The following KLHL29 variants were observed in gnomAD, a reference collection of about 807,000 sequenced individuals.
The protein encoded by KLHL29 is kelch-like protein 29.
In KLHL29, 21 loss-of-function variants were observed where a neutral mutation model predicts 80.4. That is an observed-to-expected ratio of 0.26 (90% CI 0.19 to 0.38). KLHL29 has a LOEUF of 0.38. Among genes scored for constraint, KLHL29 ranks in the 10% least tolerant of loss-of-function variants. The probability of loss-of-function intolerance (pLI) is 1.00; values close to 1 mark genes in which losing one functional copy is unlikely to be tolerated. For synonymous variants in KLHL29, 511 were observed against 526.8 expected, an observed-to-expected ratio of 0.97 and a Z score of 0.41; for missense variants, 867 against 1,223.9, an observed-to-expected ratio of 0.71 and a Z score of 4.35.
chr2:23,420,803 C>T (rs999617993), intron 1 of KLHL29, among the ~76,000 whole-genome samples: 1 of 152,150 alleles, frequency 6.6e-6, no homozygotes, highest in African/African-American at 2.4e-5. Flanking sequence ...GTCAGCGGGG[C>T]CTCTGGGTGG....
chr2:23,452,767 TAAAA>T (rs370323535), intron 1 of KLHL29, among the ~76,000 whole-genome samples: 22 of 152,098 alleles, frequency 1.4e-4, no homozygotes, highest in African/African-American at 5.1e-4. Context: ...GGCCACCAGA[TAAAA>T]TAAAGAAAAA....
chr2:23,422,575 CTGTCTGTG>C (rs928572274), intron 1 of KLHL29, among the ~76,000 whole-genome samples: 21 of 148,386 alleles, frequency 1.4e-4, no homozygotes, highest in Non-Finnish European at 2.5e-4. Flanking sequence ...GTATGTGTCC[CTGTCTGTG>C]TGTCTGTGTC....
Position 23,488,122 on chromosome 2 carries a change from C to T in KLHL29, c.-46+12455C>T, listed in dbSNP as rs573618784. Among the ~76,000 whole-genome samples the T allele has an allele frequency of 6.6e-5, 10 of 152,324 alleles. No homozygotes were observed. In the South Asian group the frequency reaches 1.9e-3, roughly 28 times the overall value. ...ATCTCCTTTGAACAGAATTGCCTCA[C>T]GGGAGGCACTGGCCCCGTCTTATTT... On this transcript the variant is annotated intron_variant, in intron 2 of 13. Coordinates refer to ENST00000486442, the MANE Select transcript of KLHL29 (RefSeq NM_052920.2).
chr2:23,526,021 G>A (rs538368724), intron 2 of KLHL29, among the ~76,000 whole-genome samples: 66 of 152,220 alleles, frequency 4.3e-4, no homozygotes, highest in East Asian at 5.8e-4. Context: ...CCTCAGAAGC[G>A]TGGATGTTGG....
At chr2:23,531,083 C>CA (rs138736846) in intron 2 of KLHL29, among the ~76,000 whole-genome samples, 1,833 of 152,320 alleles carry the variant, frequency 0.012, 40 homozygotes, top group African/African-American at 0.041. Flanking sequence ...CCTGGATGCA[C>CA]AGTGAGGTAG....
chr2:23,583,287 C>G (rs963633856), intron 3 of KLHL29, among the ~76,000 whole-genome samples: 1 of 152,186 alleles, frequency 6.6e-6, no homozygotes, highest in Non-Finnish European at 1.5e-5. Context: ...CCTAGCATCT[C>G]CTTCAAGAAG....
chr2:23,442,097 T>TTA lies in KLHL29; in HGVS notation c.-153-33461_-153-33460dup, dbSNP rs1314433013. Among the ~76,000 whole-genome samples, 3 of 152,084 alleles carry TTA rather than the reference T, an allele frequency of 2.0e-5. No homozygotes were observed. The East Asian group carries it at 5.8e-4, about 29-fold the overall frequency. ...GGCTCAGTGTAATCACCAGGGTCCTTTATTTTTAATTTTTGAGACAGGGTC... is the reference window on the plus strand; with the variant it reads ...GGCTCAGTGTAATCACCAGGGTCCTTTATATTTTTAATTTTTGAGACAGGGTC... On this transcript the variant is annotated intron_variant, in intron 1 of 13. Coordinates refer to ENST00000486442, the MANE Select transcript of KLHL29 (RefSeq NM_052920.2).
At chr2:23,686,881 C>T (rs1277034462) in intron 6 of KLHL29, among the ~76,000 whole-genome samples, 2 of 152,120 alleles carry the variant, frequency 1.3e-5, no homozygotes, top group East Asian at 1.9e-4. Flanking sequence ...GGCTGAAAGT[C>T]GCCGTGTTCG....
At chr2:23,414,512 C>T (rs902174150) in intron 1 of KLHL29, among the ~76,000 whole-genome samples, 10 of 152,324 alleles carry the variant, frequency 6.6e-5, no homozygotes, top group African/African-American at 2.2e-4. Context: ...CTGGGTCCTG[C>T]AGACTGGGTG....
At chr2:23,526,923 T>C (rs1476347764) in intron 2 of KLHL29, among the ~76,000 whole-genome samples, 2 of 152,132 alleles carry the variant, frequency 1.3e-5, no homozygotes, top group Non-Finnish European at 2.9e-5. Flanking sequence ...CATTTACCAG[T>C]ATAGCTCTGG....
chr2:23,652,368 T>G (rs1670110278), intron 5 of KLHL29, among the ~76,000 whole-genome samples: 1 of 152,218 alleles, frequency 6.6e-6, no homozygotes, highest in South Asian at 2.1e-4. Context: ...GTTTGTCCTG[T>G]TAAATGGTTA....
rs141444700 is a variant in KLHL29, at chr2:23,596,167, C to G, written c.285+33686C>G. 6.6e-5 allele frequency among the ~76,000 whole-genome samples: 10 copies of G among 152,298 alleles called. No homozygotes were observed. In the East Asian group the frequency reaches 1.4e-3, roughly 21 times the overall value. On this transcript the variant is annotated intron_variant, in intron 3 of 13. Transcript: ENST00000486442. The surrounding 1 kb of genome is among the most constrained non-coding windows in gnomAD (Gnocchi z 4.4). ...AGAGCACCCTCGGCAGCCAGCCGGACGGGCAGGCCGGGGGCGGGGCAGGGC... is the reference window on the plus strand; with the variant it reads ...AGAGCACCCTCGGCAGCCAGCCGGAGGGGCAGGCCGGGGGCGGGGCAGGGC...
intron 3 of KLHL29, among the ~76,000 whole-genome samples, chr2:23,612,945 A>G (rs1398425518): frequency 2.0e-5 from 3 of 152,222 alleles, no homozygotes; most frequent in Non-Finnish European, 4.4e-5. Flanking sequence ...ACATATATAG[A>G]GAGAAATAAA....
intron 3 of KLHL29, among the ~76,000 whole-genome samples, chr2:23,583,517 G>A (rs1304689304): frequency 6.6e-6 from 1 of 152,172 alleles, no homozygotes; most frequent in Non-Finnish European, 1.5e-5. Context: ...AAGTTTCAAA[G>A]GGCGATTAAA....
Position 23,491,577 on chromosome 2 carries a change from C to T in KLHL29, c.-46+15910C>T, listed in dbSNP as rs554039724. On this transcript the variant is annotated intron_variant, in intron 2 of 13. Transcript: ENST00000486442. ...GGCCAGCAGCTCTGCTCTGCTCCTGCTCCTCTTGCCCTCAGGTAGCTGCCC... is the reference window on the plus strand; with the variant it reads ...GGCCAGCAGCTCTGCTCTGCTCCTGTTCCTCTTGCCCTCAGGTAGCTGCCC... 9.9e-5 allele frequency among the ~76,000 whole-genome samples: 15 copies of T among 152,220 alleles called. No homozygotes were observed. The South Asian group carries it at 2.7e-3, about 27-fold the overall frequency.
intron 1 of KLHL29, among the ~76,000 whole-genome samples, chr2:23,435,885 T>TTCTC (rs961171316): frequency 1.3e-5 from 2 of 151,514 alleles, no homozygotes; most frequent in African/African-American, 4.9e-5. Flanking sequence ...TTTTCTTTCT[T>TTCTC]TCTCTCTCTC....
chr2:23,449,996 A>G (rs2103420746), intron 1 of KLHL29, among the ~76,000 whole-genome samples: 1 of 152,306 alleles, frequency 6.6e-6, no homozygotes, highest in African/African-American at 2.4e-5. Flanking sequence ...CACAGCCATT[A>G]ACTTGTGGGG....
intron 3 of KLHL29, among the ~76,000 whole-genome samples, chr2:23,606,367 T>A (rs1668729110): frequency 6.6e-6 from 1 of 152,038 alleles, no homozygotes; most frequent in Non-Finnish European, 1.5e-5. Context: ...CTGGCCTCCT[T>A]TGTTTCACGT....
chr2:23,671,191 C>G (rs1306753863), intron 5 of KLHL29, among the ~76,000 whole-genome samples: 7 of 151,770 alleles, frequency 4.6e-5, no homozygotes, highest in African/African-American at 1.7e-4. Context: ...CTTGCAAATC[C>G]TTTAAAACTA....
Sources: gnomAD v4.1 joint callset for allele counts (sites outside exome capture counted in the v4.1 genomes callset) on GRCh38, gnomAD v4.1.1 for gene constraint, Gnocchi (gnomAD v3.1) non-coding constraint, MANE v1.5 for transcripts, NCBI Gene and HGNC (gene_info 2026-07-23, HGNC 2026-07-21) for gene names.